Variants in RYR2 observed in about 807,000 individuals in gnomAD.
RYR2 encodes the protein ryanodine receptor 2.
RYR2 carries 227 observed loss-of-function variants against 601.1 expected under a neutral mutation model. The observed-to-expected ratio is 0.38, with a 90% CI of 0.34 to 0.42. The LOEUF is 0.42. RYR2 is among the 10% of genes least tolerant of loss of function. The pLI is 1.00. For missense variants in RYR2, 4,646 were observed against 6,156.5 expected (o/e 0.75, Z 8.21); for synonymous variants, 2,223 against 2,175.1 (o/e 1.02, Z -0.61).
chr1:237,662,740 C>T (rs900586580), intron 56 of RYR2, among the ~76,000 whole-genome samples: 3 of 152,132 alleles, frequency 2.0e-5, no homozygotes, highest in African/African-American at 4.8e-5. Context: ...GTGATTTTCA[C>T]GGTGACATGT....
Position 237,253,290 on chromosome 1 carries a change from T to G in RYR2, c.49-17207T>G, listed in dbSNP as rs1424503822. On this transcript the variant is annotated intron_variant, in intron 1 of 104. Transcript: ENST00000366574. ...CACTGAGGATGAAGTGACAGGTGAG[T>G]TACCTGGGGTCATGCCACTAGACCC... Among the ~76,000 whole-genome samples, 3 of 152,256 alleles carry G rather than the reference T, an allele frequency of 2.0e-5. No individual in the cohort carries two copies. In the East Asian group the frequency reaches 5.8e-4, roughly 29 times the overall value.
intron 32 of RYR2, among the ~76,000 whole-genome samples, chr1:237,592,776 T>G (rs1675362502): frequency 6.6e-6 from 1 of 151,478 alleles, no homozygotes; most frequent in Non-Finnish European, 1.5e-5. Flanking sequence ...ATCCCAGAAC[T>G]TTGGGAGGCT....
At position 237,772,061 on chromosome 1, in the gene RYR2, C is replaced by T. The variant is rs866671289; in HGVS notation, c.11607C>T (p.Asn3869=). The T allele has an allele frequency of 1.9e-6, 3 of 1,553,656 alleles. No individual in the cohort carries two copies. In the South Asian group the frequency reaches 3.5e-5, roughly 18 times the overall value. Residue 3869 remains asparagine (N), a synonymous_variant, in exon 86 of 105, where the codon AAC becomes AAT. Coordinates refer to ENST00000366574, the MANE Select transcript of RYR2 (RefSeq NM_001035.3). ...AGACTGGCAATAATACAACTGTCAA[C>T]ATAATTATCTCCACTGTAGACTACC... ...RTQTGNNTTV[N]IIISTVDYLL... is the part of the protein sequence containing the mutation.
At chr1:237,448,811 AC>A (rs1469716101) in intron 14 of RYR2, among the ~76,000 whole-genome samples, 1 of 146,128 alleles carries the variant, frequency 6.8e-6, no homozygotes, top group Non-Finnish European at 1.5e-5. Context: ...GTTTCCCCCC[AC>A]CCCACCTTTG....
At chr1:237,194,331 T>C (rs1360726554) in intron 1 of RYR2, among the ~76,000 whole-genome samples, 1 of 152,184 alleles carries the variant, frequency 6.6e-6, no homozygotes, top group Non-Finnish European at 1.5e-5. Context: ...AGAATATTAA[T>C]GAATTCATTA....
At chr1:237,631,637 T>TTA (rs1680277656) in intron 42 of RYR2, 96 bp downstream of exon 42, 1 of 520,314 alleles carries the variant, frequency 1.9e-6, no homozygotes, top group Non-Finnish European at 2.9e-6. Context: ...TTTTTTTTTT[T>TTA]TTTTTTTTGG....
At chr1:237,101,299 TAAAAA>T (rs374151748) in intron 1 of RYR2, among the ~76,000 whole-genome samples, 1 of 94,142 alleles carries the variant, frequency 1.1e-5, no homozygotes, top group Non-Finnish European at 2.1e-5. Context: ...TTTTAGAAGT[TAAAAA>T]AAAAAAAAAA....
At chr1:237,778,864 A>T (rs1694873337) in intron 88 of RYR2, 94 bp downstream of exon 88, 1 of 626,740 alleles carries the variant, frequency 1.6e-6, no homozygotes, top group Admixed American at 2.4e-5. Flanking sequence ...TTAGAATATT[A>T]TCTTTTTAAA....
intron 18 of RYR2, 119 bp downstream of exon 18, chr1:237,492,043 T>G: frequency 1.6e-6 from 1 of 610,368 alleles, no homozygotes; most frequent in Non-Finnish European, 2.9e-6. Flanking sequence ...ATCTCTTAAT[T>G]ATTTTTTGAG....
At chr1:237,620,074 G>C (rs774474575) in intron 38 of RYR2, among the ~76,000 whole-genome samples, 2 of 152,050 alleles carry the variant, frequency 1.3e-5, no homozygotes, top group Non-Finnish European at 2.9e-5. Flanking sequence ...TTTATTCTCT[G>C]GAGTTTTCTA....
intron 1 of RYR2, among the ~76,000 whole-genome samples, chr1:237,236,243 C>T (rs1685538273): frequency 1.3e-5 from 2 of 152,196 alleles, no homozygotes; most frequent in Non-Finnish European, 2.9e-5. Flanking sequence ...GCTCACCTCT[C>T]CTTTGCTCGT....
chr1:237,110,723 A>T (rs139908080), intron 1 of RYR2, among the ~76,000 whole-genome samples: 10 of 152,200 alleles, frequency 6.6e-5, no homozygotes, highest in African/African-American at 2.4e-4. Flanking sequence ...CTTCTGCGTC[A>T]TCTCAGCTTC....
chr1:237,439,414 G>A (rs1434049709), intron 12 of RYR2, among the ~76,000 whole-genome samples: 2 of 152,182 alleles, frequency 1.3e-5, no homozygotes, highest in Non-Finnish European at 2.9e-5. Flanking sequence ...GGAGGCCGAG[G>A]TGGGTGGATC....
intron 2 of RYR2, among the ~76,000 whole-genome samples, chr1:237,279,443 A>G (rs1370404852): frequency 1.3e-5 from 2 of 152,214 alleles, no homozygotes; most frequent in African/African-American, 4.8e-5. Flanking sequence ...GCACCACTGT[A>G]CTCCAGCCTA....
intron 84 of RYR2, among the ~76,000 whole-genome samples, chr1:237,769,562 T>C (rs1694106429): frequency 6.6e-6 from 1 of 152,172 alleles, no homozygotes; most frequent in South Asian, 2.1e-4. Flanking sequence ...ATGGTTTTGC[T>C]TCCTAACCCT....
chr1:237,700,961 A>G (rs1687917740), intron 65 of RYR2, among the ~76,000 whole-genome samples: 1 of 152,206 alleles, frequency 6.6e-6, no homozygotes. Flanking sequence ...GACAGTTTTT[A>G]GGGAAGCTTT....
At chr1:237,809,925 A>G (rs1661078082) in intron 100 of RYR2, among the ~76,000 whole-genome samples, 1 of 152,192 alleles carries the variant, frequency 6.6e-6, no homozygotes. Flanking sequence ...AATGAAAAAT[A>G]ATTTAATAAA....
At chr1:237,693,897 G>T (rs1333947716) in intron 63 of RYR2, among the ~76,000 whole-genome samples, 2 of 152,154 alleles carry the variant, frequency 1.3e-5, no homozygotes, top group African/African-American at 4.8e-5. Context: ...TTTAAATGAT[G>T]ATTTCTGTCT....
At chr1:237,437,883 G>T (rs964618282) in intron 12 of RYR2, among the ~76,000 whole-genome samples, 4 of 152,154 alleles carry the variant, frequency 2.6e-5, no homozygotes, top group Admixed American at 6.5e-5. Flanking sequence ...ATGCTTATAA[G>T]ATAATGCTAA....
Sources: allele counts gnomAD v4.1 joint callset (sites outside exome capture counted in the v4.1 genomes callset), GRCh38; gene constraint gnomAD v4.1.1; transcripts MANE v1.5; gene names NCBI Gene and HGNC (gene_info 2026-07-23, HGNC 2026-07-21).